UBAP2: variants seen among roughly 807,000 people sequenced by gnomAD.
UBAP2 encodes the protein ubiquitin associated protein 2, also known as ubiquitin-associated protein 2.
In UBAP2, 75 loss-of-function variants were observed where a neutral mutation model predicts 139.6. The ratio of observed to expected loss-of-function variants is 0.54; its 90% confidence interval spans 0.45 to 0.65. UBAP2 has a LOEUF of 0.65. Ranked by LOEUF, UBAP2 falls within the 30% of genes least tolerant of loss-of-function variation. The probability of loss-of-function intolerance (pLI) is 0.00; values close to 1 mark genes in which losing one functional copy is unlikely to be tolerated. For synonymous variants in UBAP2, 526 were observed against 526.2 expected (o/e 1.00, Z 0.01); for missense variants, 1,368 against 1,369.6 (o/e 1.00, Z 0.02).
chr9:34,016,269 AGAGAAGGAGGAAGAGGAG>A (rs879533165), intron 2 of UBAP2, among the ~76,000 whole-genome samples: 7,801 of 32,668 alleles, frequency 0.24, 658 homozygotes, highest in Non-Finnish European at 0.34. Context: ...AAGAGGAGGA[AGAGAAGGAGGAAGAGGAG>A]GAGGAGGAAG....
At chr9:34,027,382 G>A (rs1397167385) in intron 1 of UBAP2, among the ~76,000 whole-genome samples, 1 of 151,824 alleles carries the variant, frequency 6.6e-6, no homozygotes, top group Admixed American at 6.6e-5. Flanking sequence ...TCGGGAGGCT[G>A]AGGCAGGAGA....
At chr9:33,971,507 T>C (rs954239324) in intron 8 of UBAP2, 144 bp downstream of exon 8, 10 of 597,206 alleles carry the variant, frequency 1.7e-5, no homozygotes, top group Non-Finnish European at 3.0e-5. Context: ...AAGAACCAAC[T>C]AAGAATAGTT....
intron 4 of UBAP2, among the ~76,000 whole-genome samples, chr9:33,994,263 TAAAACTC>T (rs976140018): frequency 3.3e-5 from 5 of 152,020 alleles, no homozygotes; most frequent in Admixed American, 6.6e-5. Context: ...GAGGGGGTGT[TAAAACTC>T]AAAACAGAAA....
chr9:34,038,536 AG>A (rs997603818), intron 1 of UBAP2, among the ~76,000 whole-genome samples: 2 of 152,178 alleles, frequency 1.3e-5, no homozygotes, highest in Non-Finnish European at 2.9e-5. Flanking sequence ...CTGCCAGCCT[AG>A]GCCTCCTGAG....
chr9:34,016,975 C>T (rs929157066), intron 2 of UBAP2, 75 bp downstream of exon 2: 18 of 1,009,656 alleles, frequency 1.8e-5, no homozygotes, highest in Middle Eastern at 2.6e-4. Flanking sequence ...AAGAGTTCCA[C>T]ATACCCTAAA....
At chr9:33,934,890 A>C (rs575275658) in intron 17 of UBAP2, among the ~76,000 whole-genome samples, 18 of 152,318 alleles carry the variant, frequency 1.2e-4, no homozygotes, top group Admixed American at 3.3e-4. Flanking sequence ...TTGGCAGCCC[A>C]ACAATACCAG....
intron 11 of UBAP2, among the ~76,000 whole-genome samples, chr9:33,954,905 T>C (rs1276286461): frequency 6.6e-6 from 1 of 152,234 alleles, no homozygotes; most frequent in Non-Finnish European, 1.5e-5. Flanking sequence ...GTATCATATG[T>C]AACCAGTCTT....
Position 33,962,669 on chromosome 9 carries a change from TAAA to T in UBAP2, c.745+1054_745+1056del, listed in dbSNP as rs1564032637. 3.7e-4 allele frequency among the ~76,000 whole-genome samples: 52 copies of T among 139,846 alleles called. 1 individual carries two copies. The highest frequency in any genetic ancestry group is 1.2e-3 in the African/African-American group (44 of 37,862). The allele number at this position is 139,846 out of a possible 152,430, so 91.7% of individuals were successfully genotyped here. ...AAAAATAAATAAATAAATAAATAAATAAATAAATAAATAATTAAAAAATAGGGC... is the reference window on the plus strand; with the variant it reads ...AAAAATAAATAAATAAATAAATAAATTAAATAAATAATTAAAAAATAGGGC... On this transcript the variant is annotated intron_variant, in intron 9 of 28. Coordinates refer to ENST00000379238, the MANE Select transcript of UBAP2 (RefSeq NM_001370062.2).
intron 1 of UBAP2, among the ~76,000 whole-genome samples, chr9:34,018,642 C>A (rs534372696): frequency 6.6e-5 from 10 of 151,998 alleles, no homozygotes; most frequent in African/African-American, 2.2e-4. Context: ...GGCGGGAGGA[C>A]CACAAGGTCA....
chr9:34,048,013 A>G (rs947522324), intron 1 of UBAP2, among the ~76,000 whole-genome samples: 3 of 152,216 alleles, frequency 2.0e-5, no homozygotes, highest in African/African-American at 7.2e-5. Context: ...CAACCCCTAA[A>G]GCGAGCAAGC....
At chr9:33,924,368 GC>G in intron 22 of UBAP2, 84 bp from the exon 23 acceptor site, 1 of 1,329,118 alleles carries the variant, frequency 7.5e-7, no homozygotes, top group Non-Finnish European at 1.1e-6. Flanking sequence ...AAGTGGTGAC[GC>G]CACACTCCTG....
intron 16 of UBAP2, among the ~76,000 whole-genome samples, chr9:33,936,277 C>G (rs1400634087): frequency 6.6e-6 from 1 of 152,002 alleles, no homozygotes; most frequent in Non-Finnish European, 1.5e-5. Flanking sequence ...CTACCACACC[C>G]AGACCCAAAT....
chr9:34,030,250 C>T (rs540952210), intron 1 of UBAP2, among the ~76,000 whole-genome samples: 3 of 151,924 alleles, frequency 2.0e-5, no homozygotes, highest in African/African-American at 7.2e-5. Context: ...TCGAGACCAC[C>T]CTGGCTAACA....
Position 33,948,428 on chromosome 9 carries a change from TA to T in UBAP2, c.1215del (p.Thr406LeufsTer33). The T allele has an allele frequency of 1.2e-6, 2 of 1,613,798 alleles. No individual in the cohort carries two copies. Among genetic ancestry groups the T allele is most frequent in the Non-Finnish European group, 1.7e-6 (2 of 1,179,826 alleles). Reference sequence around the variant, plus strand: ...GTTGGGGGCTTGAGGTCCCAAGAAGTAGTAGTTGTAGGGTGACTTGTACTAT... The same window carrying T: ...GTTGGGGGCTTGAGGTCCCAAGAAGTGTAGTTGTAGGGTGACTTGTACTAT... The part of the protein sequence containing the change: ...QQNSTSHPTT[T>X]TSWDLKPPTS... On this transcript the variant is annotated frameshift_variant, in exon 13 of 29. Transcript: ENST00000379238. LOFTEE classifies it high-confidence loss of function.
intron 16 of UBAP2, among the ~76,000 whole-genome samples, chr9:33,940,591 C>T (rs1825119039): frequency 6.6e-6 from 1 of 152,144 alleles, no homozygotes; most frequent in Non-Finnish European, 1.5e-5. Context: ...TCAGACTGGG[C>T]AACATGGTGA....
chr9:33,969,641 T>C (rs1459215936), intron 8 of UBAP2, among the ~76,000 whole-genome samples: 1 of 148,338 alleles, frequency 6.7e-6, no homozygotes, highest in Non-Finnish European at 1.5e-5. Context: ...CCAAGGTGAG[T>C]GGATCATTTG....
rs552826188 is a variant in UBAP2 at position 34,020,166 on chromosome 9, A to C, written c.-41-2977T>G. ...CTCCATTATTAAAAAAAAAAAAAAAAAAAAACTAAGAGATAAACACACACA... is the reference window on the plus strand; with the variant it reads ...CTCCATTATTAAAAAAAAAAAAAAACAAAAACTAAGAGATAAACACACACA... On this transcript the variant is annotated intron_variant, in intron 1 of 28. Coordinates refer to ENST00000379238, the MANE Select transcript of UBAP2 (RefSeq NM_001370062.2). Among the ~76,000 whole-genome samples, 196 of 151,476 alleles carry C rather than the reference A, an allele frequency of 1.3e-3. 1 individual carries two copies. Among genetic ancestry groups the C allele is most frequent in the African/African-American group, 4.6e-3 (192 of 41,324 alleles).
intron 2 of UBAP2, among the ~76,000 whole-genome samples, chr9:34,000,932 A>G (rs1193474550): frequency 1.3e-5 from 2 of 152,196 alleles, no homozygotes; most frequent in African/African-American, 4.8e-5. Context: ...TTCAGTGTCT[A>G]CCCTTACTGA....
chr9:34,043,857 G>C (rs1403281699), intron 1 of UBAP2, among the ~76,000 whole-genome samples: 1 of 150,370 alleles, frequency 6.7e-6, no homozygotes, highest in Non-Finnish European at 1.5e-5. Flanking sequence ...GCCAGGCACA[G>C]TGGTCCACAA....
Sources: gnomAD v4.1 joint callset for allele counts (sites outside exome capture counted in the v4.1 genomes callset) on GRCh38, gnomAD v4.1.1 for gene constraint, MANE v1.5 for transcripts, NCBI Gene and HGNC (gene_info 2026-07-23, HGNC 2026-07-21) for gene names.